Variants in SMIM22 observed in about 807,000 individuals in gnomAD.
SMIM22 encodes the protein small integral membrane protein 22, also known as cancer associated small integral membrane open reading frame 1.
SMIM22 carries 16 observed loss-of-function variants against 8.4 expected under a neutral mutation model. The observed-to-expected ratio is 1.90, with a 90% CI of 1.29 to 2.89. The LOEUF is 2.89. Ranked by LOEUF, SMIM22 falls within the 30% of genes most tolerant of loss-of-function variation. The pLI, the probability that SMIM22 is intolerant of heterozygous loss-of-function variation, is 0.00. For synonymous variants in SMIM22, 67 were observed against 47.6 expected (o/e 1.41, Z -1.68); for missense variants, 159 against 107.5 (o/e 1.48, Z -2.12).
upstream of SMIM22, among the ~76,000 whole-genome samples, chr16:4,791,032 G>A (rs115254266): frequency 5.3e-3 from 810 of 152,324 alleles, 8 homozygotes; most frequent in African/African-American, 0.019. Flanking sequence ...TCTGGTGATG[G>A]TGACGTGTGG....
At chr16:4,790,519 T>C (rs1169740234), upstream of SMIM22, among the ~76,000 whole-genome samples, 1 of 152,140 alleles carries the variant, frequency 6.6e-6, no homozygotes, top group African/African-American at 2.4e-5. Flanking sequence ...GCCAGGTGCG[T>C]TGACTCATGC....
chr16:4,794,900 G>A (rs1449987896), upstream of SMIM22: 1 of 152,236 alleles, frequency 6.6e-6, no homozygotes, highest in Non-Finnish European at 1.5e-5. Flanking sequence ...ATGATTTAAA[G>A]TATAGAGTAT....
upstream of SMIM22, among the ~76,000 whole-genome samples, chr16:4,793,419 T>C (rs927558742): frequency 6.6e-6 from 1 of 152,190 alleles, no homozygotes; most frequent in African/African-American, 2.4e-5. Context: ...GACGGGCTAA[T>C]GGCTAAACTT....
At chr16:4,793,427 C>T (rs1195801783), upstream of SMIM22, among the ~76,000 whole-genome samples, 1 of 152,194 alleles carries the variant, frequency 6.6e-6, no homozygotes, top group East Asian at 1.9e-4. Context: ...AATGGCTAAA[C>T]TTCTCTAGGC....
At chr16:4,792,195 TTTTC>T, upstream of SMIM22, among the ~76,000 whole-genome samples, 1 of 151,464 alleles carries the variant, frequency 6.6e-6, no homozygotes, top group Non-Finnish European at 1.5e-5. Flanking sequence ...TCCCCTGCAC[TTTTC>T]TTTTTTTTTG....
chr16:4,790,678 C>T (rs540336389), upstream of SMIM22, among the ~76,000 whole-genome samples: 110 of 152,254 alleles, frequency 7.2e-4, 1 homozygote, highest in Admixed American at 4.7e-3. Flanking sequence ...GTCGCAGCTA[C>T]TTGGGAGGCT....
upstream of SMIM22, among the ~76,000 whole-genome samples, chr16:4,793,336 T>C (rs1457550432): frequency 6.6e-6 from 1 of 152,094 alleles, no homozygotes; most frequent in Non-Finnish European, 1.5e-5. Context: ...GGGCAATACA[T>C]TTGTGTTGTT....
In SMIM22 at chr16:4,796,356, C is replaced by A. The variant is rs1382497866; in HGVS notation, c.*125C>A. The stretch of plus-strand genomic sequence containing the variant: ...ACTCGCCGCCCCACTCAGGTGGCCA[C>A]CTGGCCTCTCCAAGCCTTCAGTCAG... On this transcript the variant is annotated 3_prime_UTR_variant, in exon 4 of 4. Transcript: ENST00000586005. The A allele has an allele frequency of 2.7e-6, 3 of 1,119,012 alleles. No homozygotes were observed. The highest frequency in any genetic ancestry group is 2.6e-5 in the East Asian group (1 of 38,732). The allele number at this position is 1,119,012 out of a possible 1,614,324, so 69.3% of individuals were successfully genotyped here. A position where few individuals can be genotyped will look rare whatever the true frequency, so the allele number is the denominator to read the frequency against.
Position 4,796,029 on chromosome 16 carries a change from G to A in SMIM22, c.206G>A (p.Arg69Lys). Reference protein sequence around the residue: ...SSPGPRRESPRKVSPWKERPK... With the variant: ...SSPGPRRESPKKVSPWKERPK... ...CCCGGGCCCCGCAGGGAAAGCCCCA[G>A]GAAGGTGAGCCCCTGGAAGGTGAGC... Residue 69 changes from arginine (R) to lysine (K), a missense_variant, in exon 3 of 4, where the codon AGG (arginine) becomes AAG (lysine). Arg to Lys is a conservative substitution (Grantham distance 26, BLOSUM62 2). Coordinates refer to ENST00000586005, the MANE Select transcript of SMIM22 (RefSeq NM_001253794.2). 6.6e-7 allele frequency: 1 copy of A among 1,526,082 alleles called. No individual in the cohort carries two copies. The highest frequency in any genetic ancestry group is 8.8e-7 in the Non-Finnish European group (1 of 1,141,494). The allele number at this position is 1,526,082 out of a possible 1,614,324, so 94.5% of individuals were successfully genotyped here.
upstream of SMIM22, among the ~76,000 whole-genome samples, chr16:4,792,115 G>A (rs781220757): frequency 2.0e-5 from 3 of 152,174 alleles, no homozygotes; most frequent in Non-Finnish European, 2.9e-5. Flanking sequence ...GGGCCAGAGG[G>A]GAGAGGAGGG....
chr16:4,791,437 G>C (rs1202709821), upstream of SMIM22, among the ~76,000 whole-genome samples: 1 of 152,170 alleles, frequency 6.6e-6, no homozygotes. Context: ...CGACGGCTCT[G>C]ACATCGATGA....
At chr16:4,792,953 A>C (rs1258989186), upstream of SMIM22, among the ~76,000 whole-genome samples, 2 of 151,882 alleles carry the variant, frequency 1.3e-5, no homozygotes, top group African/African-American at 4.8e-5. Context: ...CTACTAAAAT[A>C]CAAAAGTTAG....
Position 4,796,325 on chromosome 16 carries a change from C to G in SMIM22, c.*94C>G. On this transcript the variant is annotated 3_prime_UTR_variant, in exon 4 of 4. Transcript: ENST00000586005. ...TTCCAGTCCCCGTCTGGGTGGGTGA[C>G]GCGGGACTCGCCGCCCCACTCAGGT... The G allele has an allele frequency of 2.1e-6, 3 of 1,436,162 alleles. No individual in the cohort carries two copies. Among genetic ancestry groups the G allele is most frequent in the Non-Finnish European group, 2.8e-6 (3 of 1,070,980 alleles). 89.0% of individuals were successfully genotyped at this position (1,436,162 alleles called of 1,614,324 possible).
upstream of SMIM22, among the ~76,000 whole-genome samples, chr16:4,794,609 A>G (rs1311463610): frequency 6.6e-6 from 1 of 151,768 alleles, no homozygotes; most frequent in Non-Finnish European, 1.5e-5. Context: ...TAGTAGAGAC[A>G]TGGTTTCTCC....
chr16:4,795,478 C>T (rs1040569979), intron 1 of SMIM22, 29 bp downstream of exon 1: 3 of 525,448 alleles, frequency 5.7e-6, no homozygotes, highest in Non-Finnish European at 1.0e-5. Flanking sequence ...GCTGGGCTGC[C>T]AGGGGGAGAG....
At chr16:4,794,783 T>C (rs1404687602), upstream of SMIM22, among the ~76,000 whole-genome samples, 1 of 152,216 alleles carries the variant, frequency 6.6e-6, no homozygotes, top group Non-Finnish European at 1.5e-5. Flanking sequence ...CTCAAGCTCC[T>C]GATCTAAGTA....
chr16:4,789,222 G>C (rs2082509476), intron 2 of SMIM22, among the ~76,000 whole-genome samples: 1 of 152,204 alleles, frequency 6.6e-6, no homozygotes, highest in South Asian at 2.1e-4. Flanking sequence ...ACATTGGTCA[G>C]GCTAGTCACA....
Position 4,795,407 on chromosome 16 carries a change from C to CATTAAAAA in SMIM22, c.-63_-62insATTAAAAA. The CATTAAAAA allele has an allele frequency of 2.9e-6, 1 of 343,738 alleles. No homozygotes were observed. The allele number at this position is 343,738 out of a possible 1,614,324, so 21.3% of individuals were successfully genotyped here. On this transcript the variant is annotated 5_prime_UTR_variant, in exon 1 of 4. Coordinates refer to ENST00000586005, the MANE Select transcript of SMIM22 (RefSeq NM_001253794.2). ...CCGGAAGCAGGAAGCAGCCTGTGCT[C>CATTAAAAA]CCCAGGACCTGCCTGGTTGGGGGAA...
At chr16:4,793,153 AGAG>A (rs1020250906), upstream of SMIM22, among the ~76,000 whole-genome samples, 12 of 150,290 alleles carry the variant, frequency 8.0e-5, no homozygotes, top group African/African-American at 2.9e-4. Flanking sequence ...GATTAGAGTC[AGAG>A]GAGGAGACGT....
Sources: gnomAD v4.1 joint callset for allele counts (sites outside exome capture counted in the v4.1 genomes callset) on GRCh38, gnomAD v4.1.1 for gene constraint, MANE v1.5 for transcripts, NCBI Gene and HGNC (gene_info 2026-07-23, HGNC 2026-07-21) for gene names.